LAMA1: variants seen among roughly 807,000 people sequenced by gnomAD.
LAMA1 encodes the protein laminin subunit alpha 1, also known as laminin subunit alpha-1.
LAMA1 carries 219 observed loss-of-function variants against 348.7 expected under a neutral mutation model. That is an observed-to-expected ratio of 0.63 (90% CI 0.56 to 0.70). The LOEUF (loss-of-function observed/expected upper bound fraction) is 0.70, where lower values mean the gene tolerates loss of function less well. Among genes scored for constraint, LAMA1 ranks in the 30% least tolerant of loss-of-function variants. The probability of loss-of-function intolerance (pLI) is 0.00; values close to 1 mark genes in which losing one functional copy is unlikely to be tolerated. For synonymous variants in LAMA1, 1,487 were observed against 1,491.0 expected (o/e 1.00, Z 0.06); for missense variants, 3,744 against 3,888.0 (o/e 0.96, Z 0.99).
intron 19 of LAMA1, among the ~76,000 whole-genome samples, chr18:7,019,439 A>G (rs2057905324): frequency 6.6e-6 from 1 of 152,144 alleles, no homozygotes; most frequent in Non-Finnish European, 1.5e-5. Flanking sequence ...AGTATGATCA[A>G]TGTAAACTAT....
chr18:7,076,875 T>C (rs1194750776), intron 3 of LAMA1: 1 of 152,148 alleles, frequency 6.6e-6, no homozygotes. Context: ...GAAACGAACA[T>C]GGTCCAGTGT....
At chr18:7,043,517 G>A in intron 7 of LAMA1, 112 bp from the exon 8 acceptor site, 2 of 865,270 alleles carry the variant, frequency 2.3e-6, no homozygotes, top group Non-Finnish European at 3.7e-6. Context: ...TAAAATCCTA[G>A]AATAAGTAAT....
Position 6,962,066 on chromosome 18 carries a change from G to T in LAMA1, c.7338-7C>A. On this transcript the variant is annotated splice_polypyrimidine_tract_variant and splice_region_variant and intron_variant, in intron 51 of 62. Coordinates refer to ENST00000389658, the MANE Select transcript of LAMA1 (RefSeq NM_005559.4). ...TTTGGTGGTGACACCTCTCCTGTAG[G>T]GAAGGGCATGAGAACAATCACAAAA... 6.3e-7 allele frequency: 1 copy of T among 1,596,510 alleles called. No individual in the cohort carries two copies. The highest frequency in any genetic ancestry group is 8.6e-7 in the Non-Finnish European group (1 of 1,163,940).
chr18:7,062,866 T>G (rs1428773147), intron 3 of LAMA1, among the ~76,000 whole-genome samples: 1 of 152,178 alleles, frequency 6.6e-6, no homozygotes, highest in Non-Finnish European at 1.5e-5. Context: ...TTGACCTGTT[T>G]TTGCTCCAGT....
intron 42 of LAMA1, among the ~76,000 whole-genome samples, chr18:6,979,383 G>A (rs138014479): frequency 6.6e-6 from 1 of 152,002 alleles, no homozygotes. Flanking sequence ...AAGAAAAAAA[G>A]GAGGACAGGC....
At position 7,036,085 on chromosome 18, in the gene LAMA1, T is replaced by G. The variant is rs374647834; in HGVS notation, c.1741A>C (p.Thr581Pro). 3 of 1,611,878 alleles carry G rather than the reference T, an allele frequency of 1.9e-6. No homozygotes were observed. The highest frequency in any genetic ancestry group is 1.3e-5 in the African/African-American group (1 of 74,978). ...TATTTCAGGAATCCGCCAAACGCAG[T>G]CAGCTGAAATGTTTAAGCGAGAATG... The part of the protein sequence containing the change: ...APEAYLGNKL[T>P]AFGGFLKYTV... Residue 581 changes from threonine (T) to proline (P), a missense_variant, in exon 13 of 63, where the codon ACT becomes CCT. Physicochemically the swap from Thr to Pro is conservative, Grantham distance 38 (BLOSUM62 -1). This residue lies in a region of LAMA1 where 1,529 missense variants were observed against 1,689.4 expected (regional missense o/e 0.91). Transcript: ENST00000389658.
intron 55 of LAMA1, 153 bp from the exon 56 acceptor site, chr18:6,956,918 CAG>C: frequency 1.3e-6 from 1 of 794,128 alleles, no homozygotes; most frequent in Non-Finnish European, 2.1e-6. Context: ...CACTGTGACT[CAG>C]AGTCCAAACA....
chr18:7,062,409 G>A (rs2058105868), intron 3 of LAMA1, among the ~76,000 whole-genome samples: 1 of 152,200 alleles, frequency 6.6e-6, no homozygotes, highest in African/African-American at 2.4e-5. Flanking sequence ...AGAGATGGCA[G>A]GAGAGAGCCG....
Position 6,982,529 on chromosome 18 carries a change from T to C in LAMA1, c.5858A>G (p.Lys1953Arg). 6.2e-7 allele frequency: 1 copy of C among 1,614,146 alleles called. No individual in the cohort carries two copies. The highest frequency in any genetic ancestry group is 8.5e-7 in the Non-Finnish European group (1 of 1,180,028). The change falls in exon 41 of 63, where the codon AAA (lysine) becomes AGA (arginine). Residue 1953 changes from lysine (K) to arginine (R), a missense_variant. By Grantham distance (26) the Lys-to-Arg change is conservative. This residue lies in a region of LAMA1 where 1,983 missense variants were observed against 1,934.3 expected (regional missense o/e 1.03). Coordinates refer to ENST00000389658, the MANE Select transcript of LAMA1 (RefSeq NM_005559.4). The part of the protein sequence containing the change: ...AAVQRSSRFL[K>R]EGNNLSRKLP... ...CTTCCTGCTGAGGTTGTTGCCTTCT[T>C]TTAGAAATCTGGAGCTGCGCTGCAC...
chr18:6,987,798 T>C (rs2057741774), intron 36 of LAMA1, among the ~76,000 whole-genome samples: 1 of 152,222 alleles, frequency 6.6e-6, no homozygotes, highest in Non-Finnish European at 1.5e-5. Context: ...TTTTTAATGA[T>C]ATAATTTTTA....
At chr18:7,096,817 G>T (rs1391386632) in intron 1 of LAMA1, among the ~76,000 whole-genome samples, 1 of 152,216 alleles carries the variant, frequency 6.6e-6, no homozygotes, top group African/African-American at 2.4e-5. Context: ...TCAGGACTCT[G>T]AAAATCATCT....
chr18:6,995,420 T>C lies in LAMA1; in HGVS notation c.4833A>G (p.Gln1611=). The change falls in exon 34 of 63, where the codon CAA becomes CAG. Residue 1611 remains glutamine, a synonymous_variant. Coordinates refer to ENST00000389658, the MANE Select transcript of LAMA1 (RefSeq NM_005559.4). ...CAAGCTTAATTTTTCCCAGGTCCTT[T>C]TGCATATTTTCTTTTAATAAAGATT... is the stretch of plus-strand genomic sequence containing the variant. The part of the protein sequence containing the change: ...LQESLLKENM[Q]KDLGKIKLEG... 6.2e-7 allele frequency: 1 copy of C among 1,610,438 alleles called. No individual in the cohort carries two copies. The highest frequency in any genetic ancestry group is 1.1e-5 in the South Asian group (1 of 91,000).
At chr18:6,966,109 GTA>G in intron 49 of LAMA1, 36 bp downstream of exon 49, 2 of 1,609,794 alleles carry the variant, frequency 1.2e-6, no homozygotes, top group Non-Finnish European at 1.7e-6. Context: ...CTAAATGTGT[GTA>G]TACAGTAGGG....
In LAMA1 at chr18:6,966,146, C is replaced by G. The variant is rs1043216324; in HGVS notation, c.7050+1G>C. ...GCCTAGGGCCGCACAAACACTCTTA[C>G]TGTGCCGTATGAACCCAGGTAGAGA... On this transcript the variant is annotated splice_donor_variant, in intron 49 of 62. Transcript: ENST00000389658. LOFTEE classifies it high-confidence loss of function. 1 of 1,614,076 alleles carries G rather than the reference C, an allele frequency of 6.2e-7. No individual in the cohort carries two copies.
chr18:7,078,418 G>A (rs2058179859), intron 3 of LAMA1, among the ~76,000 whole-genome samples: 1 of 151,640 alleles, frequency 6.6e-6, no homozygotes, highest in Non-Finnish European at 1.5e-5. Context: ...CACCCGCCTT[G>A]GCCTCCCAAA....
intron 55 of LAMA1, 104 bp from the exon 56 acceptor site, chr18:6,956,869 G>T (rs2057581457): frequency 2.3e-6 from 3 of 1,311,162 alleles, no homozygotes; most frequent in African/African-American, 1.4e-5. Flanking sequence ...TAAAAACCAT[G>T]TATATATTTC....
intron 1 of LAMA1, among the ~76,000 whole-genome samples, chr18:7,098,613 C>T (rs2058274462): frequency 6.6e-6 from 1 of 151,380 alleles, no homozygotes; most frequent in Admixed American, 6.6e-5. Context: ...CTCTGCCCGG[C>T]AACCGCCCCG....
intron 3 of LAMA1, among the ~76,000 whole-genome samples, chr18:7,073,425 C>A (rs1479812275): frequency 2.6e-5 from 4 of 152,194 alleles, no homozygotes; most frequent in Non-Finnish European, 5.9e-5. Context: ...TCTCTCCTCC[C>A]AGCTCCTGGC....
intron 34 of LAMA1, 45 bp from the exon 35 acceptor site, chr18:6,993,797 T>C (rs2057768884): frequency 9.3e-7 from 1 of 1,079,624 alleles, no homozygotes; most frequent in Non-Finnish European, 1.4e-6. Flanking sequence ...TTTAAGTAAT[T>C]AGTTTGACTT....
Sources: gnomAD v4.1 joint callset for allele counts (sites outside exome capture counted in the v4.1 genomes callset) on GRCh38, gnomAD v4.1.1 for gene constraint, gnomAD v4.1.1 regional missense constraint, MANE v1.5 for transcripts, NCBI Gene and HGNC (gene_info 2026-07-23, HGNC 2026-07-21) for gene names.